DNAJB6: variants seen among roughly 807,000 people sequenced by gnomAD.
DNAJB6 encodes dnaJ homolog subfamily B member 6.
Under a neutral mutation model 42.7 loss-of-function variants are expected in DNAJB6, and 16 were observed. That is an observed-to-expected ratio of 0.37 (90% CI 0.25 to 0.57). DNAJB6 has a LOEUF of 0.57. Ranked by LOEUF, DNAJB6 falls within the 20% of genes least tolerant of loss-of-function variation. The probability of loss-of-function intolerance (pLI) is 0.74; values close to 1 mark genes in which losing one functional copy is unlikely to be tolerated. For synonymous variants in DNAJB6, 170 were observed against 163.5 expected (o/e 1.04, Z -0.30); for missense variants, 347 against 416.8 (o/e 0.83, Z 1.46).
chr7:157,376,651 C>T (rs766179581), intron 5 of DNAJB6, among the ~76,000 whole-genome samples: 36 of 152,188 alleles, frequency 2.4e-4, no homozygotes, highest in Non-Finnish European at 4.0e-4. Context: ...GAGGCTGAGG[C>T]GGATGGATCG....
rs189437122 is a variant in DNAJB6, at chr7:157,390,708, T to A, written c.691+5097T>A. On this transcript the variant is annotated intron_variant, in intron 8 of 9. Coordinates refer to ENST00000262177, the MANE Select transcript of DNAJB6 (RefSeq NM_058246.4). ...TGAGAGGTGACCTTTTCCTCTGCCTTCCCACAGCTGCCCTGAGTTGGCAAA... is the reference window on the plus strand; with the variant it reads ...TGAGAGGTGACCTTTTCCTCTGCCTACCCACAGCTGCCCTGAGTTGGCAAA... 2.3e-4 allele frequency among the ~76,000 whole-genome samples: 35 copies of A among 152,278 alleles called. No homozygotes were observed. The East Asian group carries it at 6.6e-3, about 29-fold the overall frequency.
chr7:157,339,599 TTTTG>T lies in DNAJB6; in HGVS notation c.-27+2457_-27+2460del, dbSNP rs1247420860. Among the ~76,000 whole-genome samples the T allele has an allele frequency of 1.3e-4, 15 of 116,110 alleles. 1 individual carries two copies. The South Asian group carries it at 1.4e-3, about 11-fold the overall frequency. 76.2% of individuals were successfully genotyped at this position (116,110 alleles called of 152,430 possible). On this transcript the variant is annotated intron_variant, in intron 1 of 9. Transcript: ENST00000262177. ...CAGGCATGAGCCACCGCGCCCGGCC[TTTTG>T]TGTGTGTGTGTGTGTGTGTGTGTGT...
intron 1 of DNAJB6, among the ~76,000 whole-genome samples, chr7:157,345,908 T>C (rs777348552): frequency 3.3e-5 from 5 of 152,148 alleles, no homozygotes; most frequent in Non-Finnish European, 5.9e-5. Context: ...ATGCAGGTGA[T>C]GCACTGGTTT....
chr7:157,406,093 C>T (rs1795757622), intron 8 of DNAJB6, among the ~76,000 whole-genome samples: 1 of 152,210 alleles, frequency 6.6e-6, no homozygotes, highest in Non-Finnish European at 1.5e-5. Context: ...ATCGGGCAGT[C>T]CTCCTGTTCA....
At chr7:157,362,687 A>T (rs1408926192) in intron 2 of DNAJB6, among the ~76,000 whole-genome samples, 1 of 151,986 alleles carries the variant, frequency 6.6e-6, no homozygotes, top group Non-Finnish European at 1.5e-5. Context: ...TACTTCACAT[A>T]CTTGCTCAGT....
At chr7:157,385,438 T>G in intron 7 of DNAJB6, 103 bp from the exon 8 acceptor site, 1 of 1,221,414 alleles carries the variant, frequency 8.2e-7, no homozygotes, top group East Asian at 2.4e-5. Flanking sequence ...GAAAATTACT[T>G]ATATTCATGG....
chr7:157,352,653 G>T (rs1799053430), intron 1 of DNAJB6, among the ~76,000 whole-genome samples: 1 of 152,016 alleles, frequency 6.6e-6, no homozygotes, highest in Non-Finnish European at 1.5e-5. Context: ...CTTCCTCATT[G>T]TGTGAGACCA....
At chr7:157,356,350 T>G (rs1799273708) in intron 1 of DNAJB6, among the ~76,000 whole-genome samples, 1 of 152,212 alleles carries the variant, frequency 6.6e-6, no homozygotes, top group South Asian at 2.1e-4. Flanking sequence ...TCCTGCTGCT[T>G]GTTGCCTGCT....
At chr7:157,355,672 T>A (rs1170318429) in intron 1 of DNAJB6, among the ~76,000 whole-genome samples, 1 of 152,162 alleles carries the variant, frequency 6.6e-6, no homozygotes, top group Non-Finnish European at 1.5e-5. Flanking sequence ...GTGGAGCGGC[T>A]AAGGGTAAGC....
At chr7:157,397,205 G>C (rs1801632144) in intron 8 of DNAJB6, among the ~76,000 whole-genome samples, 1 of 152,206 alleles carries the variant, frequency 6.6e-6, no homozygotes, top group Non-Finnish European at 1.5e-5. Flanking sequence ...GTGCTTCCTG[G>C]GAAGTTGCTA....
chr7:157,384,027 C>T (rs1472050771), intron 6 of DNAJB6, among the ~76,000 whole-genome samples: 1 of 152,198 alleles, frequency 6.6e-6, no homozygotes, highest in African/African-American at 2.4e-5. Context: ...CAGCCCTAGA[C>T]AGTATCTGCG....
chr7:157,344,675 T>C (rs73176472), intron 1 of DNAJB6, among the ~76,000 whole-genome samples: 8 of 152,330 alleles, frequency 5.3e-5, no homozygotes, highest in Non-Finnish European at 1.2e-4. Flanking sequence ...AGGGCATTGG[T>C]GCGTTCACGT....
chr7:157,409,689 G>A lies in DNAJB6; in HGVS notation c.692-106G>A, dbSNP rs563301172. 30 of 1,258,100 alleles carry A rather than the reference G, an allele frequency of 2.4e-5. No individual in the cohort carries two copies. The African/African-American group carries it at 3.4e-4, about 14-fold the overall frequency. 77.9% of individuals were successfully genotyped at this position (1,258,100 alleles called of 1,614,324 possible). A position where few individuals can be genotyped will look rare whatever the true frequency, so the allele number is the denominator to read the frequency against. On this transcript the variant is annotated intron_variant, in intron 8 of 9. Transcript: ENST00000262177. ...TCTTTCTCCTGCCCGGAGATGGCGCGTCTGGATTCAGGGAGATCGTGCGGC... is the reference window on the plus strand; with the variant it reads ...TCTTTCTCCTGCCCGGAGATGGCGCATCTGGATTCAGGGAGATCGTGCGGC...
chr7:157,398,230 GTC>G (rs1801689440), intron 8 of DNAJB6, among the ~76,000 whole-genome samples: 1 of 152,228 alleles, frequency 6.6e-6, no homozygotes, highest in Non-Finnish European at 1.5e-5. Context: ...CTTGCTGGGT[GTC>G]CCCAGTGCCT....
In DNAJB6 at chr7:157,384,855, G is replaced by T; in HGVS notation, c.479-12G>T. 2 of 1,602,944 alleles carry T rather than the reference G, an allele frequency of 1.2e-6. No individual in the cohort carries two copies. Among genetic ancestry groups the T allele is most frequent in the Admixed American group, 1.7e-5 (1 of 57,932 alleles). ...ATTTCTTTAAGCATTTTTCTTTTCT[G>T]TTTTCCTGTAGGATTTACTTCATTT... is the stretch of plus-strand genomic sequence containing the variant. On this transcript the variant is annotated splice_polypyrimidine_tract_variant and intron_variant, in intron 6 of 9. Transcript: ENST00000262177.
chr7:157,390,405 C>G (rs994526965), intron 8 of DNAJB6, among the ~76,000 whole-genome samples: 1 of 152,224 alleles, frequency 6.6e-6, no homozygotes, highest in Non-Finnish European at 1.5e-5. Context: ...GTTGGTTTCT[C>G]TCTTAAACAG....
intron 1 of DNAJB6, among the ~76,000 whole-genome samples, chr7:157,352,204 C>T (rs1393094950): frequency 2.0e-5 from 3 of 151,924 alleles, no homozygotes; most frequent in Non-Finnish European, 2.9e-5. Context: ...TGGTGGGCAC[C>T]TGTAATCCCA....
At chr7:157,366,698 G>T (rs1390791947) in intron 4 of DNAJB6, 137 bp downstream of exon 4, 1 of 722,262 alleles carries the variant, frequency 1.4e-6, no homozygotes, top group Non-Finnish European at 2.3e-6. Flanking sequence ...CTAAATTGGG[G>T]AGAGGACAGA....
At chr7:157,372,650 C>G (rs571644541) in intron 5 of DNAJB6, among the ~76,000 whole-genome samples, 1 of 152,120 alleles carries the variant, frequency 6.6e-6, no homozygotes, top group East Asian at 1.9e-4. Flanking sequence ...AAGCACAGGC[C>G]GGGCGTCTCG....
Sources: gnomAD v4.1 joint callset for allele counts (sites outside exome capture counted in the v4.1 genomes callset) on GRCh38, gnomAD v4.1.1 for gene constraint, MANE v1.5 for transcripts, NCBI Gene and HGNC (gene_info 2026-07-23, HGNC 2026-07-21) for gene names.